The following ZFP1 variants were observed in gnomAD, a reference collection of about 807,000 sequenced individuals.
ZFP1 encodes zinc finger protein 1 homolog.
A neutral mutation model predicts 38.5 loss-of-function variants in ZFP1; 32 were observed. The observed-to-expected ratio is 0.83, with a 90% confidence interval of 0.63 to 1.12. The LOEUF is 1.12. ZFP1 is among the 50% of genes most tolerant of loss of function. The pLI, the probability that ZFP1 is intolerant of heterozygous loss-of-function variation, is 0.00. For missense variants in ZFP1, 616 were observed against 480.8 expected, an observed-to-expected ratio of 1.28 and a Z score of -2.63; for synonymous variants, 245 against 168.8, an observed-to-expected ratio of 1.45 and a Z score of -3.50.
At chr16:75,142,769 C>G in the ZFP1 span, among the ~76,000 whole-genome samples, 1 of 152,148 alleles carries the variant, frequency 6.6e-6, no homozygotes, top group South Asian at 2.1e-4. Flanking sequence ...GTGGTGCGAT[C>G]TCAGCTCACT....
At chr16:75,134,402 G>A in the ZFP1 span, among the ~76,000 whole-genome samples, 1 of 152,062 alleles carries the variant, frequency 6.6e-6, no homozygotes, top group East Asian at 1.9e-4. Flanking sequence ...GAGCCCAGGA[G>A]TTTGTGACCA....
intron 2 of ZFP1, 50 bp downstream of exon 2, chr16:75,153,016 G>A (rs376667867): frequency 5.0e-6 from 8 of 1,602,658 alleles, no homozygotes; most frequent in Non-Finnish European, 6.0e-6. Context: ...ATTTAAGGAA[G>A]TTTATAAGGA....
chr16:75,158,532 C>T (rs900619743), intron 2 of ZFP1, among the ~76,000 whole-genome samples: 3 of 149,234 alleles, frequency 2.0e-5, no homozygotes, highest in East Asian at 2.0e-4. Context: ...TTTTTTTTGT[C>T]GTGATGAGAT....
At chr16:75,154,291 T>C (rs11149802) in intron 2 of ZFP1, among the ~76,000 whole-genome samples, 119,309 of 152,126 alleles carry the variant, frequency 0.78, 47,963 homozygotes, top group Non-Finnish European at 0.87. Context: ...TTCTTAGTAC[T>C]GAATATGTCA....
upstream of ZFP1, among the ~76,000 whole-genome samples, chr16:75,144,923 T>C (rs777332803): frequency 6.6e-6 from 1 of 152,180 alleles, no homozygotes; most frequent in Non-Finnish European, 1.5e-5. Flanking sequence ...CTCGAACTCC[T>C]GGGTCAAGTG....
chr16:75,164,175 G>A (rs2037935778), intron 2 of ZFP1, among the ~76,000 whole-genome samples: 1 of 152,124 alleles, frequency 6.6e-6, no homozygotes, highest in South Asian at 2.1e-4. Context: ...GATCATTGAA[G>A]TTTGTGTTGT....
chr16:75,164,301 C>A (rs1270621992), intron 2 of ZFP1, among the ~76,000 whole-genome samples: 2 of 151,694 alleles, frequency 1.3e-5, no homozygotes, highest in Non-Finnish European at 2.9e-5. Context: ...ATCTGCTTTT[C>A]CTTCTCTGCT....
chr16:75,167,289 C>G (rs2038144283), intron 3 of ZFP1, among the ~76,000 whole-genome samples: 1 of 152,148 alleles, frequency 6.6e-6, no homozygotes, highest in Admixed American at 6.5e-5. Flanking sequence ...AAATACTTTT[C>G]AGCAATCTGT....
At chr16:75,134,577 C>A in the ZFP1 span, among the ~76,000 whole-genome samples, 3 of 149,406 alleles carry the variant, frequency 2.0e-5, no homozygotes, top group Admixed American at 6.7e-5. Context: ...ATGGTGAAAC[C>A]CCGTCTCTAC....
chr16:75,162,762 A>G (rs2037851713), intron 2 of ZFP1, among the ~76,000 whole-genome samples: 1 of 152,072 alleles, frequency 6.6e-6, no homozygotes, highest in Non-Finnish European at 1.5e-5. Context: ...GATATGCGCT[A>G]TTTGGATTTC....
chr16:75,170,485 C>T lies in ZFP1; in HGVS notation c.*151C>T. 3 of 1,169,810 alleles carry T rather than the reference C, an allele frequency of 2.6e-6. No individual in the cohort carries two copies. The highest frequency in any genetic ancestry group is 1.5e-5 in the African/African-American group (1 of 65,252). 72.5% of individuals were successfully genotyped at this position (1,169,810 alleles called of 1,614,324 possible). On this transcript the variant is annotated 3_prime_UTR_variant, in exon 4 of 4. Transcript: ENST00000570010. Reference sequence around the variant, plus strand: ...TATTAAAAATAGGATCCCATGAGAACATTATACTGGAAGTTACATGTGATA... The same window carrying T: ...TATTAAAAATAGGATCCCATGAGAATATTATACTGGAAGTTACATGTGATA...
chr16:75,133,937 T>C, the ZFP1 span, among the ~76,000 whole-genome samples: 1 of 151,984 alleles, frequency 6.6e-6, no homozygotes, highest in Non-Finnish European at 1.5e-5. Flanking sequence ...TAGCCCCAGC[T>C]ACTTGGGAGG....
chr16:75,169,196 G>C (rs947286735), intron 3 of ZFP1, 57 bp from the exon 4 acceptor site: 1 of 1,521,226 alleles, frequency 6.6e-7, no homozygotes, highest in Non-Finnish European at 8.8e-7. Flanking sequence ...TTCCCATTCG[G>C]TAACATTATA....
At chr16:75,163,951 T>G (rs1031148460) in intron 2 of ZFP1, among the ~76,000 whole-genome samples, 3 of 152,230 alleles carry the variant, frequency 2.0e-5, no homozygotes, top group Non-Finnish European at 4.4e-5. Context: ...TTCTTGACCA[T>G]TAAAGCCAGT....
At chr16:75,126,045 A>T in the ZFP1 span, 1 of 72,556 alleles carries the variant, frequency 1.4e-5, no homozygotes, top group African/African-American at 4.0e-5. Flanking sequence ...GCAAAACTCC[A>T]TCTCAAAAAA....
the ZFP1 span, among the ~76,000 whole-genome samples, chr16:75,141,496 C>T: frequency 7.2e-5 from 11 of 151,878 alleles, no homozygotes; most frequent in Middle Eastern, 3.4e-3. Flanking sequence ...TGAGCCACCG[C>T]GCCCAGCCCA....
At chr16:75,149,557 C>CTT (rs34371791) in intron 1 of ZFP1, among the ~76,000 whole-genome samples, 32,359 of 101,720 alleles carry the variant, frequency 0.32, 7,934 homozygotes, top group Non-Finnish European at 0.42. Context: ...TCTTTACTTT[C>CTT]TTTTTTTTTT....
the ZFP1 span, among the ~76,000 whole-genome samples, chr16:75,123,468 TA>T: frequency 1.1e-5 from 1 of 87,058 alleles, no homozygotes; most frequent in Non-Finnish European, 2.5e-5. Context: ...TATATATATA[TA>T]TATATATATA....
upstream of ZFP1, among the ~76,000 whole-genome samples, chr16:75,148,067 G>T (rs1052947364): frequency 2.0e-5 from 3 of 152,048 alleles, no homozygotes; most frequent in Admixed American, 2.0e-4. Context: ...GGAAAAAAGG[G>T]AAAAAAGCTA....
Sources: allele counts gnomAD v4.1 joint callset (sites outside exome capture counted in the v4.1 genomes callset), GRCh38; gene constraint gnomAD v4.1.1; transcripts MANE v1.5; gene names NCBI Gene and HGNC (gene_info 2026-07-23, HGNC 2026-07-21).